ATRNL1: variants seen among roughly 807,000 people sequenced by gnomAD.
ATRNL1 encodes the protein attractin-like protein 1.
A neutral mutation model predicts 182.7 loss-of-function variants in ATRNL1; 95 were observed. The ratio of observed to expected loss-of-function variants is 0.52; its 90% CI spans 0.44 to 0.62. The LOEUF (loss-of-function observed/expected upper bound fraction) is 0.62. Ranked by LOEUF, ATRNL1 falls within the 20% of genes least tolerant of loss-of-function variation. ATRNL1 has a pLI of 0.00. For synonymous variants in ATRNL1, 576 were observed against 568.3 expected (o/e 1.01, Z -0.19); for missense variants, 1,471 against 1,679.5 (o/e 0.88, Z 2.17).
intron 27 of ATRNL1, among the ~76,000 whole-genome samples, chr10:115,795,159 G>A (rs1949621213): frequency 6.6e-6 from 1 of 152,166 alleles, no homozygotes; most frequent in South Asian, 2.1e-4. Flanking sequence ...CATTAGGTGT[G>A]CTCATTGCTA....
intron 26 of ATRNL1, among the ~76,000 whole-genome samples, chr10:115,559,910 A>G (rs1423546594): frequency 2.6e-5 from 4 of 152,222 alleles, no homozygotes; most frequent in Non-Finnish European, 5.9e-5. Flanking sequence ...AAGAAATGAC[A>G]TAAGAGCCAT....
intron 26 of ATRNL1, among the ~76,000 whole-genome samples, chr10:115,600,083 ATG>A (rs1353113461): frequency 2.0e-5 from 3 of 152,058 alleles, no homozygotes; most frequent in African/African-American, 7.2e-5. Flanking sequence ...ATTATGCAGC[ATG>A]TGTGTGTGTT....
At chr10:115,612,573 G>A (rs534895002) in intron 26 of ATRNL1, among the ~76,000 whole-genome samples, 14 of 152,286 alleles carry the variant, frequency 9.2e-5, no homozygotes, top group South Asian at 8.3e-4. Flanking sequence ...TGATTACAGT[G>A]GCTTATCACA....
At chr10:115,760,001 A>G (rs1415705857) in intron 27 of ATRNL1, among the ~76,000 whole-genome samples, 1 of 151,646 alleles carries the variant, frequency 6.6e-6, no homozygotes, top group Non-Finnish European at 1.5e-5. Context: ...CTGAGTAAAT[A>G]AAACTTTCTA....
At position 115,093,672 on chromosome 10, in the gene ATRNL1, C is replaced by T. The variant is rs1269032903; in HGVS notation, c.-79C>T. 9 of 1,418,224 alleles carry T rather than the reference C, an allele frequency of 6.3e-6. No homozygotes were observed. Among genetic ancestry groups the T allele is most frequent in the Non-Finnish European group, 7.5e-6 (8 of 1,060,978 alleles). The allele number at this position is 1,418,224 out of a possible 1,614,324, so 87.9% of individuals were successfully genotyped here. A position where few individuals can be genotyped will look rare whatever the true frequency, so the allele number is the denominator to read the frequency against. ...GGAGAAGCGGCGGCGGAGAGGTTTT[C>T]TGCGGCCGGAATTCCCTTCAACAGC... On this transcript the variant is annotated 5_prime_UTR_variant, in exon 1 of 29. Transcript: ENST00000355044. The surrounding 1 kb of genome is among the most constrained non-coding windows in gnomAD (Gnocchi z 6.1).
intron 27 of ATRNL1, among the ~76,000 whole-genome samples, chr10:115,821,657 T>C (rs1589556009): frequency 1.3e-5 from 2 of 152,250 alleles, no homozygotes; most frequent in East Asian, 3.9e-4. Flanking sequence ...AAACATACTT[T>C]AAACCAGCAA....
intron 28 of ATRNL1, among the ~76,000 whole-genome samples, chr10:115,858,404 C>T (rs1355491077): frequency 1.3e-5 from 2 of 152,076 alleles, no homozygotes; most frequent in African/African-American, 4.8e-5. Flanking sequence ...ATGGATGAAG[C>T]TGAAAGCCAT....
chr10:115,822,457 C>A (rs535355278), intron 27 of ATRNL1, among the ~76,000 whole-genome samples: 2 of 151,818 alleles, frequency 1.3e-5, no homozygotes, highest in Non-Finnish European at 2.9e-5. Context: ...GATAGAGAGA[C>A]GAAAAACCCT....
intron 26 of ATRNL1, among the ~76,000 whole-genome samples, chr10:115,570,186 A>C (rs1330273511): frequency 6.6e-6 from 1 of 152,060 alleles, no homozygotes; most frequent in East Asian, 1.9e-4. Context: ...CTGATCTCAA[A>C]CTCCTGACCT....
intron 5 of ATRNL1, among the ~76,000 whole-genome samples, chr10:115,138,942 T>C (rs1845639626): frequency 6.6e-6 from 1 of 152,232 alleles, no homozygotes; most frequent in Non-Finnish European, 1.5e-5. Context: ...CCAAGTCATA[T>C]CTTGAATGCT....
At chr10:115,121,449 A>G (rs547545399) in intron 2 of ATRNL1, among the ~76,000 whole-genome samples, 3 of 152,294 alleles carry the variant, frequency 2.0e-5, no homozygotes, top group South Asian at 2.1e-4. Context: ...AAACAATGAT[A>G]CATACATATG....
At chr10:115,661,029 T>C (rs558721574) in intron 26 of ATRNL1, among the ~76,000 whole-genome samples, 4 of 152,212 alleles carry the variant, frequency 2.6e-5, no homozygotes, top group African/African-American at 9.6e-5. Context: ...TTATTATCAA[T>C]GTATATTGTT....
At position 115,899,142 on chromosome 10, in the gene ATRNL1, T is replaced by C. The variant is rs147130254; in HGVS notation, c.4019-45516T>C. On this transcript the variant is annotated intron_variant, in intron 28 of 28. Transcript: ENST00000355044. ...CCACGACAGGCCCTGGTGTGTGATG[T>C]TCCCATTCCTGTGTCCAGGTGTTCT... Among the ~76,000 whole-genome samples, 867 of 152,182 alleles carry C rather than the reference T, an allele frequency of 5.7e-3. 11 individuals are homozygous for C. The highest frequency in any genetic ancestry group is 0.019 in the African/African-American group (775 of 41,518).
At chr10:115,252,391 A>G (rs551680499) in intron 10 of ATRNL1, among the ~76,000 whole-genome samples, 1 of 152,264 alleles carries the variant, frequency 6.6e-6, no homozygotes, top group South Asian at 2.1e-4. Context: ...GCATGTACCT[A>G]GATGAGTTAT....
At chr10:115,306,373 C>G (rs1554926173) in intron 17 of ATRNL1, among the ~76,000 whole-genome samples, 1 of 152,136 alleles carries the variant, frequency 6.6e-6, no homozygotes, top group Non-Finnish European at 1.5e-5. Context: ...AATTCCAATG[C>G]CAATCTAATT....
At chr10:115,391,996 C>T (rs1369189135) in intron 19 of ATRNL1, among the ~76,000 whole-genome samples, 1 of 151,928 alleles carries the variant, frequency 6.6e-6, no homozygotes, top group Non-Finnish European at 1.5e-5. Flanking sequence ...AATTGATAAA[C>T]ATAAAATTTA....
intron 13 of ATRNL1, among the ~76,000 whole-genome samples, chr10:115,280,119 T>G (rs1484187903): frequency 6.6e-6 from 1 of 152,238 alleles, no homozygotes; most frequent in Non-Finnish European, 1.5e-5. Flanking sequence ...TGGCATAATG[T>G]AACTGCAAAT....
intron 17 of ATRNL1, 98 bp from the exon 18 acceptor site, chr10:115,315,420 A>T: frequency 5.7e-6 from 5 of 879,980 alleles, no homozygotes; most frequent in Admixed American, 2.5e-5. Flanking sequence ...ATGACCTTTC[A>T]TGGTTTTTAT....
At chr10:115,812,633 C>A (rs1044452000) in intron 27 of ATRNL1, among the ~76,000 whole-genome samples, 1 of 152,064 alleles carries the variant, frequency 6.6e-6, no homozygotes, top group African/African-American at 2.4e-5. Flanking sequence ...CACACCACCA[C>A]ACCCAGCTAA....
Sources: gnomAD v4.1 joint callset for allele counts (sites outside exome capture counted in the v4.1 genomes callset) on GRCh38, gnomAD v4.1.1 for gene constraint, Gnocchi (gnomAD v3.1) non-coding constraint, MANE v1.5 for transcripts, NCBI Gene and HGNC (gene_info 2026-07-23, HGNC 2026-07-21) for gene names.